Variants in IL1RAPL2 observed in about 807,000 individuals in gnomAD.
IL1RAPL2 encodes X-linked interleukin-1 receptor accessory protein-like 2.
Under a neutral mutation model 44.1 loss-of-function variants are expected in IL1RAPL2, and 3 were observed. The observed-to-expected ratio is 0.07, with a 90% CI of 0.03 to 0.18. IL1RAPL2 has a LOEUF of 0.18. Ranked by LOEUF, IL1RAPL2 falls within the 10% of genes least tolerant of loss-of-function variation. The pLI, the probability that IL1RAPL2 is intolerant of heterozygous loss-of-function variation, is 1.00. For missense variants in IL1RAPL2, 391 were observed against 496.4 expected (o/e 0.79, Z 2.02); for synonymous variants, 181 against 178.8 (o/e 1.01, Z -0.10).
intron 6 of IL1RAPL2, among the ~76,000 whole-genome samples, chrX:105,554,626 TC>T (rs753422512): frequency 9.0e-6 from 1 of 111,643 alleles, no homozygotes; most frequent in African/African-American, 3.2e-5. Context: ...AGCTTTTTTT[TC>T]CTCAATATCT....
At chrX:104,630,293 G>A (rs1379715271) in intron 1 of IL1RAPL2, among the ~76,000 whole-genome samples, 7 of 110,320 alleles carry the variant, frequency 6.3e-5, no homozygotes, top group Non-Finnish European at 1.3e-4. Context: ...GATTACAGGC[G>A]CCCACCACTA....
Position 105,186,414 on chromosome X carries a change from G to GA in IL1RAPL2, c.83-9056dup, listed in dbSNP as rs782676219. On this transcript the variant is annotated intron_variant, in intron 2 of 10. Coordinates refer to ENST00000372582, the MANE Select transcript of IL1RAPL2 (RefSeq NM_017416.2). Reference sequence around the variant, plus strand: ...TGGTTGGGATATGCATGGAAGGTGGGAAAAATGGTATGAGGATGAAGACAG... The same window carrying GA: ...TGGTTGGGATATGCATGGAAGGTGGGAAAAAATGGTATGAGGATGAAGACAG... Among the ~76,000 whole-genome samples, 301 of 111,983 alleles carry GA rather than the reference G, an allele frequency of 2.7e-3. 2 individuals carry two copies. The highest frequency in any genetic ancestry group is 4.3e-3 in the Non-Finnish European group (230 of 53,151).
intron 1 of IL1RAPL2, among the ~76,000 whole-genome samples, chrX:104,609,463 C>T (rs1318493946): frequency 8.9e-6 from 1 of 112,059 alleles, no homozygotes; most frequent in Non-Finnish European, 1.9e-5. Context: ...TGGTTCCATT[C>T]TCCTCATCAC....
At chrX:105,273,964 C>G (rs1301968699) in intron 5 of IL1RAPL2, among the ~76,000 whole-genome samples, 1 of 111,428 alleles carries the variant, frequency 9.0e-6, no homozygotes, top group Non-Finnish European at 1.9e-5. Flanking sequence ...CAGGAAATGG[C>G]AGAACACAGA....
At chrX:104,680,420 A>G (rs1173460011) in intron 2 of IL1RAPL2, among the ~76,000 whole-genome samples, 2 of 111,174 alleles carry the variant, frequency 1.8e-5, no homozygotes, top group Non-Finnish European at 3.8e-5. Flanking sequence ...GGGACATATG[A>G]TCCTCAATCA....
rs111336965 is a variant in IL1RAPL2 at position 104,669,386 on chromosome X, G to A, written c.82+10391G>A. The stretch of plus-strand genomic sequence containing the variant: ...TGTATCTTTCTGGCCATTTTTTCCC[G>A]GTCTCCATCATTATCTCATTTTCCT... On this transcript the variant is annotated intron_variant, in intron 2 of 10. Coordinates refer to ENST00000372582, the MANE Select transcript of IL1RAPL2 (RefSeq NM_017416.2). Among the ~76,000 whole-genome samples, 151 of 109,858 alleles carry A rather than the reference G, an allele frequency of 1.4e-3. 1 individual carries two copies. The highest frequency in any genetic ancestry group is 4.9e-3 in the African/African-American group (147 of 30,213).
In IL1RAPL2 at chrX:105,234,381, C is replaced by A. The variant is rs111286067; in HGVS notation, c.543+377C>A. On this transcript the variant is annotated intron_variant, in intron 4 of 10. Coordinates refer to ENST00000372582, the MANE Select transcript of IL1RAPL2 (RefSeq NM_017416.2). ...AAGTAGTAGTACTTATAAAGAATAA[C>A]AACTATCATAATGGTCTACTCTGTG... Among the ~76,000 whole-genome samples, 566 of 112,010 alleles carry A rather than the reference C, an allele frequency of 5.1e-3. 3 individuals are homozygous for A. Among genetic ancestry groups the A allele is most frequent in the African/African-American group, 0.017 (533 of 30,825 alleles).
chrX:105,203,016 A>G (rs781850033), intron 3 of IL1RAPL2, among the ~76,000 whole-genome samples: 3 of 111,081 alleles, frequency 2.7e-5, no homozygotes, highest in Non-Finnish European at 3.8e-5. Flanking sequence ...CAGATCTCCA[A>G]TATCTCCTCC....
intron 2 of IL1RAPL2, among the ~76,000 whole-genome samples, chrX:105,101,030 C>G (rs1018117615): frequency 8.0e-5 from 9 of 112,495 alleles, no homozygotes; most frequent in African/African-American, 2.3e-4. Flanking sequence ...GGGAACATTA[C>G]TTATATTTGA....
At chrX:104,870,955 T>A (rs1032743259) in intron 2 of IL1RAPL2, among the ~76,000 whole-genome samples, 1 of 111,339 alleles carries the variant, frequency 9.0e-6, no homozygotes, top group Admixed American at 9.6e-5. Context: ...GAAAATGTTC[T>A]AACTGTAAAA....
chrX:105,503,996 A>AC (rs11423562), intron 6 of IL1RAPL2, among the ~76,000 whole-genome samples: 25,069 of 111,119 alleles, frequency 0.23, 6,882 homozygotes, highest in African/African-American at 0.78. Context: ...AAATAAAGTC[A>AC]ATTCACAGGT....
intron 6 of IL1RAPL2, among the ~76,000 whole-genome samples, chrX:105,648,593 A>G (rs2037622784): frequency 9.0e-6 from 1 of 111,488 alleles, no homozygotes. Flanking sequence ...TCTTCACAAA[A>G]ATAGAAAAGA....
rs778958295 is a variant in IL1RAPL2 at position 104,623,049 on chromosome X, A to AT, written c.-19-35837dup. 6.7e-3 allele frequency among the ~76,000 whole-genome samples: 730 copies of AT among 109,433 alleles called. 7 individuals carry two copies. Among genetic ancestry groups the AT allele is most frequent in the African/African-American group, 0.022 (665 of 30,156 alleles). On this transcript the variant is annotated intron_variant, in intron 1 of 10. Transcript: ENST00000372582. ...ATAACCTTCTGTTTGAAACTGAAGC[A>AT]TTTTTTTTTAAAAAAAGTTTTGTCT... is the stretch of plus-strand genomic sequence containing the variant.
chrX:104,647,880 G>A lies in IL1RAPL2; in HGVS notation c.-19-11015G>A, dbSNP rs1801727569. 6.4e-6 allele frequency: 4 copies of A among 626,400 alleles called. No homozygotes were observed. In the Admixed American group the frequency reaches 6.9e-5, roughly 11 times the overall value. 51.6% of individuals were successfully genotyped at this position (626,400 alleles called of 1,213,427 possible). A position where few individuals can be genotyped will look rare whatever the true frequency, so the allele number is the denominator to read the frequency against. On this transcript the variant is annotated intron_variant, in intron 1 of 10. Coordinates refer to ENST00000372582, the MANE Select transcript of IL1RAPL2 (RefSeq NM_017416.2). ...ACAATGTCCTGTACTCCACAGAATC[G>A]GTCAAAGATGACAGCTCTGTGACCA...
At chrX:105,517,951 G>C (rs187839416) in intron 6 of IL1RAPL2, among the ~76,000 whole-genome samples, 14 of 111,354 alleles carry the variant, frequency 1.3e-4, no homozygotes, top group African/African-American at 4.2e-4. Flanking sequence ...TAAAGAACAA[G>C]GAGAAAGGGA....
chrX:105,419,540 A>G (rs2035759449), intron 5 of IL1RAPL2, among the ~76,000 whole-genome samples: 1 of 112,097 alleles, frequency 8.9e-6, no homozygotes, highest in African/African-American at 3.2e-5. Context: ...TTTTCCAGAA[A>G]TAGACTTGCA....
intron 5 of IL1RAPL2, among the ~76,000 whole-genome samples, chrX:105,442,937 G>T (rs756830470): frequency 9.0e-6 from 1 of 111,338 alleles, no homozygotes; most frequent in Non-Finnish European, 1.9e-5. Context: ...GTAGCCCAGC[G>T]TGGTGGTGGG....
At chrX:105,040,425 T>A (rs1416568878) in intron 2 of IL1RAPL2, among the ~76,000 whole-genome samples, 1 of 111,730 alleles carries the variant, frequency 9.0e-6, no homozygotes, top group Non-Finnish European at 1.9e-5. Context: ...TCCCTCTTTT[T>A]CTATTGATTG....
At position 104,854,185 on chromosome X, in the gene IL1RAPL2, A is replaced by G. The variant is rs1337661104; in HGVS notation, c.82+195190A>G. Among the ~76,000 whole-genome samples the G allele has an allele frequency of 6.3e-5, 7 of 111,703 alleles. No individual in the cohort carries two copies. In the East Asian group the frequency reaches 2.0e-3, roughly 31 times the overall value. ...TTTATTTAAATCTTTCATGTTAGTG[A>G]CTTGTATTTGGAATGCAGTTACTTA... On this transcript the variant is annotated intron_variant, in intron 2 of 10. Transcript: ENST00000372582.
Sources: allele counts gnomAD v4.1 joint callset (sites outside exome capture counted in the v4.1 genomes callset), GRCh38; gene constraint gnomAD v4.1.1; transcripts MANE v1.5; gene names NCBI Gene and HGNC (gene_info 2026-07-23, HGNC 2026-07-21).